LRP1B: variants seen among roughly 807,000 people sequenced by gnomAD.
LRP1B encodes the protein low-density lipoprotein receptor-related protein 1B.
Under a neutral mutation model 556.6 loss-of-function variants are expected in LRP1B, and 217 were observed. The ratio of observed to expected loss-of-function variants is 0.39; its 90% CI spans 0.35 to 0.44. The LOEUF (loss-of-function observed/expected upper bound fraction) is 0.44, where lower values mean the gene tolerates loss of function less well. Among genes scored for constraint, LRP1B ranks in the 20% least tolerant of loss-of-function variants. LRP1B has a pLI of 1.00. For missense variants in LRP1B, 5,053 were observed against 5,620.8 expected (o/e 0.90, Z 3.23); for synonymous variants, 2,047 against 1,865.8 (o/e 1.10, Z -2.50).
intron 83 of LRP1B, among the ~76,000 whole-genome samples, chr2:140,309,078 G>C (rs1050725550): frequency 6.6e-6 from 1 of 151,788 alleles, no homozygotes; most frequent in African/African-American, 2.4e-5. Flanking sequence ...TTTTCAATAA[G>C]GAGATTTGAC....
intron 1 of LRP1B, among the ~76,000 whole-genome samples, chr2:141,884,220 A>G (rs1046051874): frequency 6.3e-5 from 8 of 126,454 alleles, no homozygotes; most frequent in Admixed American, 5.4e-4. Context: ...ACAAAAAAAT[A>G]AAAATAATAG....
At chr2:141,885,122 T>C (rs1699069752) in intron 1 of LRP1B, among the ~76,000 whole-genome samples, 1 of 152,252 alleles carries the variant, frequency 6.6e-6, no homozygotes, top group Admixed American at 6.5e-5. Flanking sequence ...TTATGAAATA[T>C]AATTTTATGA....
At chr2:140,475,993 G>C (rs1464487498) in intron 59 of LRP1B, among the ~76,000 whole-genome samples, 1 of 151,892 alleles carries the variant, frequency 6.6e-6, no homozygotes, top group African/African-American at 2.4e-5. Context: ...TTTACATTAT[G>C]TTATTAGAAG....
chr2:140,550,010 C>T (rs1680488167), intron 43 of LRP1B, among the ~76,000 whole-genome samples: 1 of 152,004 alleles, frequency 6.6e-6, no homozygotes, highest in Non-Finnish European at 1.5e-5. Context: ...CTCCCCTAGC[C>T]CCCACCCTCT....
chr2:141,756,291 A>G (rs1694315983), intron 2 of LRP1B, among the ~76,000 whole-genome samples: 1 of 152,068 alleles, frequency 6.6e-6, no homozygotes, highest in South Asian at 2.1e-4. Flanking sequence ...TAACAACCCA[A>G]CCAGCCAGCT....
intron 2 of LRP1B, among the ~76,000 whole-genome samples, chr2:141,518,021 T>C (rs1684386801): frequency 1.3e-5 from 2 of 152,188 alleles, no homozygotes; most frequent in South Asian, 4.1e-4. Context: ...AGACCTGGCA[T>C]GTTCCCTGAC....
rs371029711 is a variant in LRP1B at position 140,836,698 on chromosome 2, T to C, written c.5209+3293A>G. On this transcript the variant is annotated intron_variant, in intron 31 of 90. Coordinates refer to ENST00000389484, the MANE Select transcript of LRP1B (RefSeq NM_018557.3). ...TAAGGATTTCTGGGGCAGACAGAGA[T>C]GTGACAGTATATAGCAAGCTGGGGA... Among the ~76,000 whole-genome samples, 5 of 152,242 alleles carry C rather than the reference T, an allele frequency of 3.3e-5. No individual in the cohort carries two copies. In the East Asian group the frequency reaches 9.7e-4, roughly 29 times the overall value.
chr2:141,617,579 T>G (rs539874853), intron 2 of LRP1B, among the ~76,000 whole-genome samples: 2 of 152,314 alleles, frequency 1.3e-5, no homozygotes, highest in South Asian at 4.1e-4. Context: ...TTCTTAGTCT[T>G]TTCTCATAAG....
intron 84 of LRP1B, among the ~76,000 whole-genome samples, chr2:140,296,398 C>T (rs909807909): frequency 6.6e-6 from 1 of 152,056 alleles, no homozygotes; most frequent in Non-Finnish European, 1.5e-5. Flanking sequence ...AAGGGATATC[C>T]AACTTGTTGA....
chr2:141,600,567 G>A (rs917329941), intron 2 of LRP1B, among the ~76,000 whole-genome samples: 1 of 151,622 alleles, frequency 6.6e-6, no homozygotes, highest in Non-Finnish European at 1.5e-5. Flanking sequence ...TGAATGAACT[G>A]CAAACGTAAC....
At chr2:140,851,880 A>T (rs1424869998) in intron 27 of LRP1B, 97 bp from the exon 28 acceptor site, 2 of 1,146,846 alleles carry the variant, frequency 1.7e-6, no homozygotes, top group Admixed American at 5.3e-5. Flanking sequence ...GATTCAAAGT[A>T]AAGTTTCCTA....
At chr2:141,150,235 A>G (rs1173169303) in intron 7 of LRP1B, among the ~76,000 whole-genome samples, 1 of 152,224 alleles carries the variant, frequency 6.6e-6, no homozygotes, top group Non-Finnish European at 1.5e-5. Context: ...TTACAGACAC[A>G]CTTGTCAGTG....
Position 140,769,262 on chromosome 2 carries a change from C to A in LRP1B, c.5709G>T (p.Leu1903Phe), listed in dbSNP as rs2104934603. The stretch of plus-strand genomic sequence containing the variant: ...CAAATGAAGTTCCTGATATAGGCAT[C>A]AAAGCATCCATTTTGTCACTTGGTT... ...PLEPSDKMDA[L>F]MPISGTSFAV... is the part of the protein sequence containing the mutation. Residue 1903 changes from leucine (L) to phenylalanine (F), a missense_variant, in exon 35 of 91, where the codon TTG becomes TTT. By Grantham distance (22) the Leu-to-Phe change is conservative. Transcript: ENST00000389484. The A allele has an allele frequency of 1.2e-6, 2 of 1,612,254 alleles. No individual in the cohort carries two copies. The highest frequency in any genetic ancestry group is 2.2e-5 in the South Asian group (2 of 91,048).
intron 1 of LRP1B, among the ~76,000 whole-genome samples, chr2:142,112,106 A>C (rs1033963323): frequency 6.6e-6 from 1 of 152,066 alleles, no homozygotes; most frequent in Non-Finnish European, 1.5e-5. Flanking sequence ...GATAACTTAC[A>C]TCACAGTTAT....
At chr2:141,119,421 A>G (rs1051015017) in intron 7 of LRP1B, among the ~76,000 whole-genome samples, 2 of 151,878 alleles carry the variant, frequency 1.3e-5, no homozygotes, top group South Asian at 2.1e-4. Flanking sequence ...AAAGTTTTCA[A>G]TTAAAAATGA....
At position 141,842,028 on chromosome 2, in the gene LRP1B, C is replaced by A. The variant is rs181836522; in HGVS notation, c.83-31627G>T. ...AAATCTAAATCTAAGACATTTGTAT[C>A]CCTTAAGAAAAAGAGATCTGAAAAT... On this transcript the variant is annotated intron_variant, in intron 1 of 90. Coordinates refer to ENST00000389484, the MANE Select transcript of LRP1B (RefSeq NM_018557.3). Among the ~76,000 whole-genome samples the A allele has an allele frequency of 3.7e-4, 56 of 152,066 alleles. No individual in the cohort carries two copies. In the East Asian group the frequency reaches 5.0e-3, roughly 14 times the overall value.
intron 7 of LRP1B, among the ~76,000 whole-genome samples, chr2:141,129,628 C>T (rs993965589): frequency 2.0e-5 from 3 of 151,698 alleles, no homozygotes; most frequent in Non-Finnish European, 2.9e-5. Flanking sequence ...AAATAGCAGG[C>T]ATAAATTGGA....
chr2:140,800,299 AT>A (rs1156990777), intron 32 of LRP1B, among the ~76,000 whole-genome samples: 7 of 152,142 alleles, frequency 4.6e-5, no homozygotes, highest in Admixed American at 1.3e-4. Flanking sequence ...CCTAATGTAA[AT>A]GACGAGTAAA....
intron 52 of LRP1B, among the ~76,000 whole-genome samples, chr2:140,509,263 G>A (rs894583613): frequency 1.3e-5 from 2 of 152,112 alleles, no homozygotes; most frequent in Admixed American, 1.3e-4. Context: ...GTGACCTTGG[G>A]ATCTGCATTC....
Sources: allele counts gnomAD v4.1 joint callset (sites outside exome capture counted in the v4.1 genomes callset), GRCh38; gene constraint gnomAD v4.1.1; transcripts MANE v1.5; gene names NCBI Gene and HGNC (gene_info 2026-07-23, HGNC 2026-07-21).